The following ISM1 variants were observed in gnomAD, a reference collection of about 807,000 sequenced individuals.
ISM1 encodes the protein isthmin-1.
In ISM1, 25 loss-of-function variants were observed where a neutral mutation model predicts 46.3. The ratio of observed to expected loss-of-function variants is 0.54; its 90% CI spans 0.39 to 0.75. The LOEUF (loss-of-function observed/expected upper bound fraction) is 0.75, where lower values mean the gene tolerates loss of function less well. Ranked by LOEUF, ISM1 falls within the 30% of genes least tolerant of loss-of-function variation. The probability of loss-of-function intolerance (pLI) is 0.00; values close to 1 mark genes in which losing one functional copy is unlikely to be tolerated. For synonymous variants in ISM1, 255 were observed against 256.7 expected (o/e 0.99, Z 0.06); for missense variants, 536 against 625.4 (o/e 0.86, Z 1.52).
At chr20:13,290,213 G>A (rs1364635953) in intron 4 of ISM1, among the ~76,000 whole-genome samples, 2 of 152,004 alleles carry the variant, frequency 1.3e-5, no homozygotes, top group Non-Finnish European at 2.9e-5. Context: ...TTGGAAGCCT[G>A]GTGGGTGGAA....
At chr20:13,223,865 A>G (rs2423720) in intron 1 of ISM1, among the ~76,000 whole-genome samples, 46,272 of 152,110 alleles carry the variant, frequency 0.3, 8,063 homozygotes, top group Admixed American at 0.38. Context: ...AAGCCATAAA[A>G]ATGATGTTCT....
intron 2 of ISM1, among the ~76,000 whole-genome samples, chr20:13,279,063 G>A (rs6033656): frequency 0.13 from 20,308 of 152,188 alleles, 2,610 homozygotes; most frequent in African/African-American, 0.33. Context: ...TCTCCAGGGA[G>A]GAGAAATGGG....
At chr20:13,311,251 A>AGAT in the ISM1 span, among the ~76,000 whole-genome samples, 230 of 127,566 alleles carry the variant, frequency 1.8e-3, 1 homozygote, top group African/African-American at 6.6e-3. Flanking sequence ...GATGATAGAT[A>AGAT]GATAGATAGA....
chr20:13,280,701 T>TTA (rs1398465077), intron 3 of ISM1, among the ~76,000 whole-genome samples: 1 of 152,138 alleles, frequency 6.6e-6, no homozygotes, highest in African/African-American at 2.4e-5. Context: ...GCCCTCAGCC[T>TTA]GGAGGTGACA....
At chr20:13,222,545 G>C (rs1409427744) in intron 1 of ISM1, among the ~76,000 whole-genome samples, 1 of 152,100 alleles carries the variant, frequency 6.6e-6, no homozygotes, top group Admixed American at 6.5e-5. Context: ...GCAGAGTGAA[G>C]GCACCGGTAG....
At position 13,241,662 on chromosome 20, in the gene ISM1, G is replaced by A. The variant is rs552391781; in HGVS notation, c.138+19748G>A. Among the ~76,000 whole-genome samples, 7 of 152,280 alleles carry A rather than the reference G, an allele frequency of 4.6e-5. No individual in the cohort carries two copies. In the South Asian group the frequency reaches 8.3e-4, roughly 18 times the overall value. On this transcript the variant is annotated intron_variant, in intron 1 of 5. Transcript: ENST00000262487. ...GTGAGGGCAGGAGCACAAGTAGGAC[G>A]TTTGAGGAGAGAAGATATAAAATGG... is the stretch of plus-strand genomic sequence containing the variant.
At chr20:13,225,206 A>T (rs2039508868) in intron 1 of ISM1, among the ~76,000 whole-genome samples, 1 of 152,124 alleles carries the variant, frequency 6.6e-6, no homozygotes, top group Non-Finnish European at 1.5e-5. Flanking sequence ...TGCTATCATT[A>T]TCCCTGTTTC....
chr20:13,292,914 G>A (rs539115250), intron 5 of ISM1, among the ~76,000 whole-genome samples: 3 of 152,160 alleles, frequency 2.0e-5, no homozygotes, highest in South Asian at 2.1e-4. Context: ...TTTATACACC[G>A]GGCCAGGCGC....
At chr20:13,279,962 A>C in intron 3 of ISM1, 64 bp downstream of exon 3, 2 of 1,492,420 alleles carry the variant, frequency 1.3e-6, no homozygotes, top group Non-Finnish European at 1.8e-6. Flanking sequence ...TGCCTTGGAC[A>C]TGGAGCCAAG....
the ISM1 span, among the ~76,000 whole-genome samples, chr20:13,317,289 G>C: frequency 6.7e-6 from 1 of 148,328 alleles, no homozygotes; most frequent in Non-Finnish European, 1.5e-5. Context: ...TCTCTGATGA[G>C]AGAAATCAAA....
At chr20:13,256,644 G>T (rs2039932947) in intron 1 of ISM1, among the ~76,000 whole-genome samples, 1 of 152,096 alleles carries the variant, frequency 6.6e-6, no homozygotes, top group Non-Finnish European at 1.5e-5. Context: ...TGGCAATGGT[G>T]GTGTTGGTCC....
At chr20:13,242,651 G>A (rs2039740754) in intron 1 of ISM1, among the ~76,000 whole-genome samples, 1 of 152,198 alleles carries the variant, frequency 6.6e-6, no homozygotes, top group Non-Finnish European at 1.5e-5. Flanking sequence ...TCTCTTGAAT[G>A]GAGGTGAGAC....
At chr20:13,247,732 G>A (rs2039816076) in intron 1 of ISM1, among the ~76,000 whole-genome samples, 2 of 152,110 alleles carry the variant, frequency 1.3e-5, no homozygotes, top group African/African-American at 4.8e-5. Context: ...ATAAAGGAGA[G>A]GAAACCTGAC....
chr20:13,323,891 C>CA, the ISM1 span, among the ~76,000 whole-genome samples: 2 of 152,076 alleles, frequency 1.3e-5, no homozygotes, highest in African/African-American at 2.4e-5. Flanking sequence ...CTCCTCTGAC[C>CA]AAAAAAATTG....
At chr20:13,274,059 T>TTTTGTG (rs1555813314) in intron 2 of ISM1, among the ~76,000 whole-genome samples, 2 of 150,714 alleles carry the variant, frequency 1.3e-5, no homozygotes, top group Non-Finnish European at 3.0e-5. Context: ...TGGCGTGTAA[T>TTTTGTG]TGTGTGTGTG....
intron 1 of ISM1, among the ~76,000 whole-genome samples, chr20:13,270,177 C>T (rs930975062): frequency 1.3e-5 from 2 of 152,158 alleles, no homozygotes; most frequent in African/African-American, 4.8e-5. Context: ...AGAAGAGAAA[C>T]ATAATTTGGT....
intron 5 of ISM1, among the ~76,000 whole-genome samples, chr20:13,295,532 C>T (rs1252175825): frequency 1.3e-5 from 2 of 152,178 alleles, no homozygotes; most frequent in South Asian, 2.1e-4. Context: ...CCTTGTCCTT[C>T]CCCCATCGAT....
At chr20:13,315,591 G>A in the ISM1 span, among the ~76,000 whole-genome samples, 1 of 151,954 alleles carries the variant, frequency 6.6e-6, no homozygotes, top group African/African-American at 2.4e-5. Context: ...CATAGTTACA[G>A]ATTTCAATAC....
chr20:13,258,372 C>G (rs2039950808), intron 1 of ISM1, among the ~76,000 whole-genome samples: 1 of 152,086 alleles, frequency 6.6e-6, no homozygotes, highest in Non-Finnish European at 1.5e-5. Flanking sequence ...GAGATGTGAG[C>G]TCTCCCTGGC....
Sources: gnomAD v4.1 joint callset for allele counts (sites outside exome capture counted in the v4.1 genomes callset) on GRCh38, gnomAD v4.1.1 for gene constraint, MANE v1.5 for transcripts, NCBI Gene and HGNC (gene_info 2026-07-23, HGNC 2026-07-21) for gene names.